Variants in ADGRL3 observed in about 807,000 individuals in gnomAD.
ADGRL3 encodes adhesion G protein-coupled receptor L3, also known as calcium-independent alpha-latrotoxin receptor 3.
Under a neutral mutation model 153.5 loss-of-function variants are expected in ADGRL3, and 62 were observed. The ratio of observed to expected loss-of-function variants is 0.40; its 90% CI spans 0.33 to 0.50. The LOEUF is 0.50. Ranked by LOEUF, ADGRL3 falls within the 20% of genes least tolerant of loss-of-function variation. The probability of loss-of-function intolerance (pLI) is 0.47; values close to 1 mark genes in which losing one functional copy is unlikely to be tolerated. For synonymous variants in ADGRL3, 710 were observed against 672.5 expected (o/e 1.06, Z -0.86); for missense variants, 1,641 against 1,859.4 (o/e 0.88, Z 2.16).
chr4:61,978,338 T>A (rs111255159), intron 17 of ADGRL3, among the ~76,000 whole-genome samples: 1 of 149,528 alleles, frequency 6.7e-6, no homozygotes, highest in South Asian at 2.1e-4. Flanking sequence ...GCTTGCTTTT[T>A]AAAAAAAAAA....
At chr4:61,782,840 C>T (rs2097230110) in intron 8 of ADGRL3, among the ~76,000 whole-genome samples, 1 of 152,134 alleles carries the variant, frequency 6.6e-6, no homozygotes, top group Non-Finnish European at 1.5e-5. Flanking sequence ...TATTGACAGA[C>T]ATAGTCTGAA....
intron 2 of ADGRL3, among the ~76,000 whole-genome samples, chr4:61,430,085 C>T (rs1456869): frequency 0.39 from 59,768 of 151,932 alleles, 12,306 homozygotes; most frequent in Middle Eastern, 0.57. Flanking sequence ...AACTCTACAT[C>T]GACAATGAGA....
At chr4:61,712,125 G>A (rs2096004602) in intron 6 of ADGRL3, among the ~76,000 whole-genome samples, 1 of 152,068 alleles carries the variant, frequency 6.6e-6, no homozygotes, top group Admixed American at 6.6e-5. Flanking sequence ...CGGGTTTGGT[G>A]GCTCATGAGT....
intron 1 of ADGRL3, among the ~76,000 whole-genome samples, chr4:61,359,171 C>T (rs1045523032): frequency 3.9e-5 from 6 of 152,164 alleles, no homozygotes; most frequent in African/African-American, 1.4e-4. Context: ...ACTGCTTATG[C>T]TGCTGATACT....
At chr4:61,456,330 T>TAAAAC (rs1417532410) in intron 2 of ADGRL3, among the ~76,000 whole-genome samples, 34 of 147,094 alleles carry the variant, frequency 2.3e-4, no homozygotes, top group African/African-American at 7.7e-4. Context: ...TATTTAATAA[T>TAAAAC]AAACCAGATA....
intron 1 of ADGRL3, among the ~76,000 whole-genome samples, chr4:61,371,871 G>A (rs929378070): frequency 1.1e-4 from 17 of 152,190 alleles, no homozygotes; most frequent in African/African-American, 3.9e-4. Context: ...GGTACACCAA[G>A]CAGATGTAGA....
intron 8 of ADGRL3, among the ~76,000 whole-genome samples, chr4:61,751,367 G>A (rs541144369): frequency 6.6e-6 from 1 of 152,172 alleles, no homozygotes; most frequent in Admixed American, 6.5e-5. Context: ...TATTTCGTTT[G>A]AGATTACATA....
At chr4:61,712,610 A>T (rs1433386660) in intron 6 of ADGRL3, among the ~76,000 whole-genome samples, 3 of 152,196 alleles carry the variant, frequency 2.0e-5, no homozygotes, top group Non-Finnish European at 4.4e-5. Flanking sequence ...TTTGAATTCC[A>T]TTCACTTAAT....
chr4:61,243,427 A>G (rs1040605502), intron 1 of ADGRL3, among the ~76,000 whole-genome samples: 4 of 151,996 alleles, frequency 2.6e-5, no homozygotes, highest in African/African-American at 9.7e-5. Context: ...TGACAGACAC[A>G]TGAGGTCCCA....
chr4:61,721,879 A>G (rs2096249292), intron 6 of ADGRL3, among the ~76,000 whole-genome samples: 1 of 152,336 alleles, frequency 6.6e-6, no homozygotes. Flanking sequence ...ATGAATAGAA[A>G]TTTGATAGAA....
intron 4 of ADGRL3, among the ~76,000 whole-genome samples, chr4:61,575,783 G>C (rs1174568331): frequency 6.6e-6 from 1 of 151,950 alleles, no homozygotes; most frequent in Non-Finnish European, 1.5e-5. Context: ...TTAATTATAT[G>C]TTTAATGAAT....
chr4:61,719,475 A>G (rs1406749899), intron 6 of ADGRL3, among the ~76,000 whole-genome samples: 1 of 152,202 alleles, frequency 6.6e-6, no homozygotes, highest in Non-Finnish European at 1.5e-5. Flanking sequence ...GTACTGTAAG[A>G]TACATGATTA....
chr4:61,890,161 CTTTG>C (rs764599691), intron 9 of ADGRL3, among the ~76,000 whole-genome samples: 1 of 152,096 alleles, frequency 6.6e-6, no homozygotes, highest in Non-Finnish European at 1.5e-5. Context: ...AATAGCAATG[CTTTG>C]TTTGAAACAA....
intron 1 of ADGRL3, among the ~76,000 whole-genome samples, chr4:61,219,175 A>G (rs1744241150): frequency 6.6e-6 from 1 of 152,138 alleles, no homozygotes; most frequent in African/African-American, 2.4e-5. Context: ...ACTATGCTGT[A>G]CTCTAATTAG....
chr4:61,845,919 G>A (rs1263911418), intron 9 of ADGRL3, among the ~76,000 whole-genome samples: 4 of 152,062 alleles, frequency 2.6e-5, no homozygotes, highest in Admixed American at 6.6e-5. Flanking sequence ...TCCTATTAAC[G>A]TGTAGTATTT....
intron 3 of ADGRL3, among the ~76,000 whole-genome samples, chr4:61,500,172 T>A (rs1486118662): frequency 6.6e-6 from 1 of 152,034 alleles, no homozygotes; most frequent in Non-Finnish European, 1.5e-5. Context: ...AAAAATAAAA[T>A]AATCATTTCC....
intron 1 of ADGRL3, among the ~76,000 whole-genome samples, chr4:61,327,116 T>G (rs1393997436): frequency 1.3e-5 from 2 of 152,028 alleles, no homozygotes; most frequent in Non-Finnish European, 2.9e-5. Context: ...TGCTTCACTT[T>G]GAGTTCGTTT....
chr4:61,721,545 G>A (rs1474025872), intron 6 of ADGRL3, among the ~76,000 whole-genome samples: 1 of 152,144 alleles, frequency 6.6e-6, no homozygotes, highest in East Asian at 1.9e-4. Flanking sequence ...ATTGAGGGTA[G>A]GTCTGCATCT....
At chr4:61,913,008 T>C (rs973321572) in intron 13 of ADGRL3, among the ~76,000 whole-genome samples, 4 of 152,082 alleles carry the variant, frequency 2.6e-5, no homozygotes, top group African/African-American at 9.7e-5. Context: ...AAGAGGTGAG[T>C]TGGGTATAAT....
Sources: gnomAD v4.1 joint callset for allele counts (sites outside exome capture counted in the v4.1 genomes callset) on GRCh38, gnomAD v4.1.1 for gene constraint, MANE v1.5 for transcripts, NCBI Gene and HGNC (gene_info 2026-07-23, HGNC 2026-07-21) for gene names.